KCNIP1: variants seen among roughly 807,000 people sequenced by gnomAD.
The protein encoded by KCNIP1 is A-type potassium channel modulatory protein KCNIP1.
In KCNIP1, 18 loss-of-function variants were observed where a neutral mutation model predicts 33.0. The ratio of observed to expected loss-of-function variants is 0.55; its 90% CI spans 0.38 to 0.81. The LOEUF is 0.81. KCNIP1 is among the 30% of genes least tolerant of loss of function. KCNIP1 has a pLI of 0.00. For synonymous variants in KCNIP1, 93 were observed against 98.3 expected (o/e 0.95, Z 0.32); for missense variants, 238 against 271.6 (o/e 0.88, Z 0.87).
intron 1 of KCNIP1, among the ~76,000 whole-genome samples, chr5:170,410,466 G>A (rs1755156610): frequency 6.6e-6 from 1 of 151,634 alleles, no homozygotes; most frequent in South Asian, 2.1e-4. Flanking sequence ...GCACCTGCAT[G>A]TTGTTCTTGC....
chr5:170,618,269 G>T (rs1014577077), intron 1 of KCNIP1, among the ~76,000 whole-genome samples: 12 of 151,958 alleles, frequency 7.9e-5, no homozygotes, highest in Admixed American at 1.3e-4. Context: ...CCCTGCAAGG[G>T]ACTTTGGTTT....
At position 170,526,814 on chromosome 5, in the gene KCNIP1, C is replaced by T. The variant is rs563293877; in HGVS notation, c.61+22181C>T. On this transcript the variant is annotated intron_variant, in intron 1 of 7. Coordinates refer to ENST00000328939, the MANE Select transcript of KCNIP1 (RefSeq NM_014592.4). ...CTCAGCTCAGGGCAACCTCCACCTA[C>T]CAGGTTCCAGTGATTCTCCTGCCTC... Among the ~76,000 whole-genome samples, 7 of 151,094 alleles carry T rather than the reference C, an allele frequency of 4.6e-5. 1 individual carries two copies. The highest frequency in any genetic ancestry group is 1.7e-4 in the African/African-American group (7 of 41,084).
chr5:170,390,502 C>CA (rs1296285736), intron 1 of KCNIP1, among the ~76,000 whole-genome samples: 743 of 35,652 alleles, frequency 0.021, 38 homozygotes, highest in Middle Eastern at 0.13. Flanking sequence ...GACCCCGTCT[C>CA]AAAAAAAAAA....
At chr5:170,609,679 A>T (rs1759069646) in intron 1 of KCNIP1, among the ~76,000 whole-genome samples, 1 of 152,142 alleles carries the variant, frequency 6.6e-6, no homozygotes, top group Non-Finnish European at 1.5e-5. Context: ...CACTAAAAAT[A>T]AAACAAAAAA....
At chr5:170,366,094 C>T (rs569479352) in intron 1 of KCNIP1, among the ~76,000 whole-genome samples, 4 of 152,176 alleles carry the variant, frequency 2.6e-5, no homozygotes, top group African/African-American at 4.8e-5. Context: ...TTTCCCTACC[C>T]GGGATGCGAG....
intron 1 of KCNIP1, among the ~76,000 whole-genome samples, chr5:170,576,836 C>T (rs554862232): frequency 6.6e-6 from 1 of 152,308 alleles, no homozygotes; most frequent in South Asian, 2.1e-4. Context: ...TTGGCTGCCC[C>T]CTTTGAAGTA....
intron 1 of KCNIP1, among the ~76,000 whole-genome samples, chr5:170,355,077 G>T (rs1270363392): frequency 6.6e-6 from 1 of 152,240 alleles, no homozygotes; most frequent in African/African-American, 2.4e-5. Flanking sequence ...AGTGTACGTT[G>T]TGTGGCATGT....
chr5:170,390,517 A>AATATATATATATATATATATATAT lies in KCNIP1; in HGVS notation c.88+36575_88+36576insATATATATATATATATATATATAT, dbSNP rs1554088940. On this transcript the variant is annotated intron_variant, in intron 1 of 7. Transcript: ENST00000377360. ...GACCCCGTCTCAAAAAAAAAAAACAAATATATATATATATATATATATTTT... is the reference window on the plus strand; with the variant it reads ...GACCCCGTCTCAAAAAAAAAAAACAAATATATATATATATATATATATATATATATATATATATATATATATTTT... Among the ~76,000 whole-genome samples, 221 of 74,344 alleles carry AATATATATATATATATATATATAT rather than the reference A, an allele frequency of 3.0e-3. 8 individuals are homozygous for AATATATATATATATATATATATAT. The highest frequency in any genetic ancestry group is 3.6e-3 in the Non-Finnish European group (144 of 40,098). 48.8% of individuals were successfully genotyped at this position (74,344 alleles called of 152,430 possible). A position where few individuals can be genotyped will look rare whatever the true frequency, so the allele number is the denominator to read the frequency against.
chr5:170,719,004 T>C, intron 2 of KCNIP1, 122 bp downstream of exon 2: 1 of 1,284,342 alleles, frequency 7.8e-7, no homozygotes, highest in South Asian at 1.4e-5. Context: ...GAAGGCCAGC[T>C]CTATAAAGGG....
At chr5:170,656,251 G>A (rs1282313094) in intron 1 of KCNIP1, among the ~76,000 whole-genome samples, 1 of 152,252 alleles carries the variant, frequency 6.6e-6, no homozygotes, top group Non-Finnish European at 1.5e-5. Context: ...ATGAAGCTCA[G>A]TGCACACACT....
chr5:170,456,279 G>A (rs1378326508), intron 1 of KCNIP1, among the ~76,000 whole-genome samples: 3 of 152,014 alleles, frequency 2.0e-5, no homozygotes, highest in Non-Finnish European at 4.4e-5. Flanking sequence ...TGGACACAGG[G>A]AGGGGAACAT....
chr5:170,471,903 T>C (rs745894679), intron 1 of KCNIP1, among the ~76,000 whole-genome samples: 1 of 152,182 alleles, frequency 6.6e-6, no homozygotes, highest in Admixed American at 6.5e-5. Flanking sequence ...CATGATACAT[T>C]TACTGGTTCA....
chr5:170,656,812 T>C (rs148607079), intron 1 of KCNIP1, among the ~76,000 whole-genome samples: 1 of 152,220 alleles, frequency 6.6e-6, no homozygotes, highest in Non-Finnish European at 1.5e-5. Context: ...TGCTTCCCAC[T>C]GTCCCTTTAA....
At chr5:170,436,421 G>A (rs1276839221) in intron 1 of KCNIP1, among the ~76,000 whole-genome samples, 2 of 152,224 alleles carry the variant, frequency 1.3e-5, no homozygotes, top group Non-Finnish European at 2.9e-5. Context: ...CTGGGTCACA[G>A]GGCACAGCTG....
chr5:170,505,560 C>T (rs138932355), intron 1 of KCNIP1, among the ~76,000 whole-genome samples: 3 of 152,246 alleles, frequency 2.0e-5, no homozygotes, highest in African/African-American at 7.2e-5. Context: ...ACCATCAGAG[C>T]CCCCATCCTG....
intron 1 of KCNIP1, among the ~76,000 whole-genome samples, chr5:170,393,877 A>G (rs748560437): frequency 6.6e-6 from 1 of 152,046 alleles, no homozygotes; most frequent in Non-Finnish European, 1.5e-5. Context: ...ATCCTCTTTG[A>G]GACAAAGAGG....
At chr5:170,681,120 G>C (rs1762328988) in intron 1 of KCNIP1, 3 of 399,208 alleles carry the variant, frequency 7.5e-6, no homozygotes, top group Non-Finnish European at 1.3e-5. Context: ...AATAGTGGTG[G>C]TCGTGTGCTC....
intron 1 of KCNIP1, among the ~76,000 whole-genome samples, chr5:170,446,505 C>T (rs552831119): frequency 6.6e-6 from 1 of 152,272 alleles, no homozygotes; most frequent in South Asian, 2.1e-4. Context: ...CTCTGTTGCC[C>T]AGGCTAAAGT....
chr5:170,604,633 T>C (rs770741789), intron 1 of KCNIP1, among the ~76,000 whole-genome samples: 25 of 152,084 alleles, frequency 1.6e-4, no homozygotes, highest in South Asian at 4.2e-4. Flanking sequence ...AAAATTGAGG[T>C]CCTATTCCCT....
Sources: gnomAD v4.1 joint callset for allele counts (sites outside exome capture counted in the v4.1 genomes callset) on GRCh38, gnomAD v4.1.1 for gene constraint, MANE v1.5 for transcripts, NCBI Gene and HGNC (gene_info 2026-07-23, HGNC 2026-07-21) for gene names.